The following DPP10 variants were observed in gnomAD, a reference collection of about 807,000 sequenced individuals.
The protein encoded by DPP10 is dipeptidyl peptidase like 10, also known as inactive dipeptidyl peptidase 10.
DPP10 carries 33 observed loss-of-function variants against 120.9 expected under a neutral mutation model. That is an observed-to-expected ratio of 0.27 (90% CI 0.21 to 0.37). DPP10 has a LOEUF of 0.37. DPP10 is among the 10% of genes least tolerant of loss of function. The probability of loss-of-function intolerance (pLI) is 1.00; values close to 1 mark genes in which losing one functional copy is unlikely to be tolerated. For missense variants in DPP10, 816 were observed against 942.8 expected, an observed-to-expected ratio of 0.87 and a Z score of 1.76; for synonymous variants, 337 against 326.1, an observed-to-expected ratio of 1.03 and a Z score of -0.36.
intron 1 of DPP10, among the ~76,000 whole-genome samples, chr2:115,180,193 G>A (rs1239634930): frequency 6.6e-6 from 1 of 152,112 alleles, no homozygotes; most frequent in African/African-American, 2.4e-5. Context: ...GGAATATTAG[G>A]AGATGTATGG....
At chr2:115,313,804 G>A (rs1051303056) in intron 2 of DPP10, among the ~76,000 whole-genome samples, 1 of 152,142 alleles carries the variant, frequency 6.6e-6, no homozygotes. Flanking sequence ...CATTTTATAA[G>A]TATTTCTGAA....
intron 1 of DPP10, among the ~76,000 whole-genome samples, chr2:114,530,329 T>C (rs1246349651): frequency 6.6e-6 from 1 of 152,094 alleles, no homozygotes; most frequent in East Asian, 1.9e-4. Context: ...GGGTAAATAA[T>C]TAAAAAGTAT....
At chr2:115,430,823 C>A (rs140769964) in intron 3 of DPP10, among the ~76,000 whole-genome samples, 149 of 152,166 alleles carry the variant, frequency 9.8e-4, no homozygotes, top group Middle Eastern at 3.4e-3. Context: ...CTGTGTTTTA[C>A]TGCTCACTCG....
At chr2:115,571,910 C>A (rs1026866245) in intron 5 of DPP10, among the ~76,000 whole-genome samples, 8 of 151,718 alleles carry the variant, frequency 5.3e-5, no homozygotes, top group Non-Finnish European at 1.0e-4. Context: ...GAATATAAAG[C>A]AAACCATTTC....
Position 114,663,503 on chromosome 2 carries a change from C to A in DPP10, c.60+220665C>A, listed in dbSNP as rs569015222. On this transcript the variant is annotated intron_variant, in intron 1 of 25. Coordinates refer to ENST00000410059, the MANE Select transcript of DPP10 (RefSeq NM_020868.6). ...TTATTCTAGCCCTGCCCCAACAGGA[C>A]CCGCTGTAATTTTGGTTGTTTTATT... Among the ~76,000 whole-genome samples, 43 of 150,342 alleles carry A rather than the reference C, an allele frequency of 2.9e-4. No homozygotes were observed. In the South Asian group the frequency reaches 8.0e-3, roughly 28 times the overall value.
chr2:114,934,621 T>G (rs775249029), intron 1 of DPP10, among the ~76,000 whole-genome samples: 2 of 151,988 alleles, frequency 1.3e-5, no homozygotes, highest in East Asian at 1.9e-4. Flanking sequence ...CAACTCTGTG[T>G]GCGTGTGTGT....
At chr2:114,496,232 C>A (rs1682507689) in intron 1 of DPP10, among the ~76,000 whole-genome samples, 1 of 152,106 alleles carries the variant, frequency 6.6e-6, no homozygotes, top group Admixed American at 6.5e-5. Flanking sequence ...GCCTGTGAAA[C>A]TGAAGTCCAG....
chr2:115,037,498 A>G (rs1203555569), intron 1 of DPP10, among the ~76,000 whole-genome samples: 1 of 152,220 alleles, frequency 6.6e-6, no homozygotes, highest in Non-Finnish European at 1.5e-5. Flanking sequence ...GGCAAAAGAA[A>G]CTAAAGGCCA....
At chr2:115,292,583 A>T (rs965592214) in intron 1 of DPP10, among the ~76,000 whole-genome samples, 1 of 152,110 alleles carries the variant, frequency 6.6e-6, no homozygotes, top group Admixed American at 6.6e-5. Context: ...ACAGACTTGG[A>T]ATTTATTCTG....
At chr2:114,834,225 A>G (rs1687412994) in intron 1 of DPP10, among the ~76,000 whole-genome samples, 1 of 150,004 alleles carries the variant, frequency 6.7e-6, no homozygotes, top group South Asian at 2.1e-4. Flanking sequence ...ATGTATATAT[A>G]TAGGCCATAT....
intron 1 of DPP10, among the ~76,000 whole-genome samples, chr2:114,859,647 A>G (rs1324139585): frequency 1.3e-5 from 2 of 152,214 alleles, no homozygotes; most frequent in Non-Finnish European, 2.9e-5. Context: ...CACAGTACAC[A>G]AATATGCATC....
At chr2:115,382,886 TGTG>T (rs2066521893) in intron 3 of DPP10, among the ~76,000 whole-genome samples, 1 of 152,188 alleles carries the variant, frequency 6.6e-6, no homozygotes, top group South Asian at 2.1e-4. Flanking sequence ...AGCAACCAAT[TGTG>T]GGGCAGGAGG....
intron 5 of DPP10, among the ~76,000 whole-genome samples, chr2:115,679,301 T>G (rs1040271163): frequency 6.6e-6 from 1 of 152,124 alleles, no homozygotes; most frequent in Non-Finnish European, 1.5e-5. Context: ...AGGGACCTGA[T>G]GGGAGGTAAT....
intron 5 of DPP10, among the ~76,000 whole-genome samples, chr2:115,535,126 A>G (rs2078732233): frequency 6.6e-6 from 1 of 151,692 alleles, no homozygotes; most frequent in African/African-American, 2.4e-5. Context: ...ATTAGATCCC[A>G]TTTGTCAATT....
At chr2:115,685,168 T>C (rs2090915550) in intron 5 of DPP10, among the ~76,000 whole-genome samples, 1 of 151,930 alleles carries the variant, frequency 6.6e-6, no homozygotes, top group Non-Finnish European at 1.5e-5. Flanking sequence ...TTGATTTAAA[T>C]GTTAAGTAAT....
chr2:115,140,967 T>G (rs1004106720), intron 1 of DPP10, among the ~76,000 whole-genome samples: 1 of 142,264 alleles, frequency 7.0e-6, no homozygotes. Flanking sequence ...ACTAGAGGAA[T>G]ATGGTAAGAT....
rs74361035 is a variant in DPP10 at position 114,867,011 on chromosome 2, G to A, written c.60+424173G>A. Among the ~76,000 whole-genome samples the A allele has an allele frequency of 6.6e-5, 10 of 152,288 alleles. No individual in the cohort carries two copies. In the East Asian group the frequency reaches 7.7e-4, roughly 12 times the overall value. On this transcript the variant is annotated intron_variant, in intron 1 of 25. Transcript: ENST00000410059. Reference sequence around the variant, plus strand: ...TGCCTTGACCTGACATATAGCCATCGTTCATTTCCAGGATGAATTTCTGTT... The same window carrying A: ...TGCCTTGACCTGACATATAGCCATCATTCATTTCCAGGATGAATTTCTGTT...
intron 5 of DPP10, among the ~76,000 whole-genome samples, chr2:115,553,705 A>T (rs930494419): frequency 6.6e-6 from 1 of 151,976 alleles, no homozygotes; most frequent in African/African-American, 2.4e-5. Context: ...CTTTGTAGCA[A>T]AATAATCTAT....
At chr2:115,601,634 G>T (rs188132598) in intron 5 of DPP10, among the ~76,000 whole-genome samples, 1 of 152,304 alleles carries the variant, frequency 6.6e-6, no homozygotes, top group East Asian at 1.9e-4. Flanking sequence ...TGTGGATTTA[G>T]AAGGTCTAAT....
Sources: allele counts gnomAD v4.1 joint callset (sites outside exome capture counted in the v4.1 genomes callset), GRCh38; gene constraint gnomAD v4.1.1; transcripts MANE v1.5; gene names NCBI Gene and HGNC (gene_info 2026-07-23, HGNC 2026-07-21).